Variants in PDE4D observed in about 807,000 individuals in gnomAD.
PDE4D encodes 3',5'-cyclic-AMP phosphodiesterase 4D.
PDE4D carries 24 observed loss-of-function variants against 87.4 expected under a neutral mutation model. That is an observed-to-expected ratio of 0.27 (90% CI 0.20 to 0.39). The LOEUF (loss-of-function observed/expected upper bound fraction) is 0.39. Among genes scored for constraint, PDE4D ranks in the 10% least tolerant of loss-of-function variants. PDE4D has a pLI of 1.00. For synonymous variants in PDE4D, 384 were observed against 383.2 expected (o/e 1.00, Z -0.02); for missense variants, 714 against 1,041.0 (o/e 0.69, Z 4.32).
intron 1 of PDE4D, among the ~76,000 whole-genome samples, chr5:60,245,895 T>C (rs1747705594): frequency 6.6e-6 from 1 of 151,832 alleles, no homozygotes; most frequent in South Asian, 2.1e-4. Context: ...TCAAAAATAA[T>C]TCAATTGTAC....
Position 59,916,954 on chromosome 5 carries a change from A to ATTTTT in PDE4D, c.272+71529_272+71533dup, listed in dbSNP as rs750105496. Among the ~76,000 whole-genome samples, 118 of 73,636 alleles carry ATTTTT rather than the reference A, an allele frequency of 1.6e-3. 3 individuals carry two copies. Among genetic ancestry groups the ATTTTT allele is most frequent in the African/African-American group, 1.0e-2 (116 of 11,650 alleles). The allele number at this position is 73,636 out of a possible 152,430, so 48.3% of individuals were successfully genotyped here. On this transcript the variant is annotated intron_variant, in intron 3 of 16. Coordinates refer to the PDE4D transcript ENST00000502484. Reference sequence around the variant, plus strand: ...AGGGGTGCACCACCATGCCCGGCTAATTTTTTTTTTTTTTTTTTTTTTTTT... The same window carrying ATTTTT: ...AGGGGTGCACCACCATGCCCGGCTAATTTTTTTTTTTTTTTTTTTTTTTTTTTTTT...
intron 3 of PDE4D, among the ~76,000 whole-genome samples, chr5:59,951,789 C>T (rs999517564): frequency 1.3e-5 from 2 of 152,210 alleles, no homozygotes; most frequent in African/African-American, 4.8e-5. Flanking sequence ...TCCAACTCTA[C>T]AACCCAGTGG....
At chr5:59,049,476 G>A (rs568383548) in intron 5 of PDE4D, among the ~76,000 whole-genome samples, 1 of 152,156 alleles carries the variant, frequency 6.6e-6, no homozygotes, top group Admixed American at 6.5e-5. Flanking sequence ...TGGTCAAGCA[G>A]ATCATGGTGT....
At chr5:59,341,875 C>T (rs138870558) in intron 1 of PDE4D, among the ~76,000 whole-genome samples, 1 of 152,288 alleles carries the variant, frequency 6.6e-6, no homozygotes, top group Non-Finnish European at 1.5e-5. Flanking sequence ...GTGAATAACG[C>T]TAGCTGATGT....
chr5:59,000,333 A>C (rs1036895452), intron 6 of PDE4D, among the ~76,000 whole-genome samples: 5 of 152,200 alleles, frequency 3.3e-5, no homozygotes, highest in Non-Finnish European at 5.9e-5. Flanking sequence ...CGAGCATTTT[A>C]ATTGCTTCCC....
chr5:59,247,568 T>C (rs1202153071), intron 1 of PDE4D, among the ~76,000 whole-genome samples: 1 of 152,132 alleles, frequency 6.6e-6, no homozygotes, highest in East Asian at 1.9e-4. Context: ...TTTTTAAAAA[T>C]GGAAATAGAA....
chr5:60,329,323 T>C (rs1757102283), intron 1 of PDE4D, among the ~76,000 whole-genome samples: 1 of 152,164 alleles, frequency 6.6e-6, no homozygotes, highest in Non-Finnish European at 1.5e-5. Context: ...CAAAGGGCAC[T>C]TCCCCTGCTT....
rs370304844 is a variant in PDE4D, at chr5:60,091,738, C to T, written c.42+93819G>A. Among the ~76,000 whole-genome samples the T allele has an allele frequency of 2.4e-3, 363 of 152,232 alleles. 1 individual carries two copies. Among genetic ancestry groups the T allele is most frequent in the Middle Eastern group, 0.017 (5 of 294 alleles). On this transcript the variant is annotated intron_variant, in intron 2 of 16. Coordinates refer to the PDE4D transcript ENST00000502484. ...CCAAGATATGGAAGCAACCTATATA[C>T]CTATCAGTAGATGAATGGATAAAGA...
upstream of PDE4D, among the ~76,000 whole-genome samples, chr5:59,894,361 T>C (rs1184140973): frequency 6.6e-6 from 1 of 152,242 alleles, no homozygotes; most frequent in African/African-American, 2.4e-5. Context: ...CCAGGCAAAG[T>C]TGCCTGGAAT....
intron 2 of PDE4D, among the ~76,000 whole-genome samples, chr5:59,199,893 C>T (rs1746373365): frequency 6.6e-6 from 1 of 151,464 alleles, no homozygotes; most frequent in South Asian, 2.1e-4. Flanking sequence ...TACACATGTA[C>T]ATATATACAT....
At chr5:59,310,548 G>A (rs1298191636) in intron 1 of PDE4D, among the ~76,000 whole-genome samples, 1 of 152,114 alleles carries the variant, frequency 6.6e-6, no homozygotes, top group Non-Finnish European at 1.5e-5. Flanking sequence ...GCACTTTGGG[G>A]AGAGGACAAT....
intron 1 of PDE4D, among the ~76,000 whole-genome samples, chr5:60,373,904 C>T (rs1390860920): frequency 6.6e-6 from 1 of 152,192 alleles, no homozygotes; most frequent in African/African-American, 2.4e-5. Context: ...ACTCTATTGC[C>T]TCATTCTTCC....
chr5:59,989,087 C>CATATATATATATATATATATATATAT (rs541522751), intron 2 of PDE4D, among the ~76,000 whole-genome samples: 1 of 100,436 alleles, frequency 1.0e-5, no homozygotes, highest in African/African-American at 3.5e-5. Context: ...ATGCATGTGT[C>CATATATATATATATATATATATATAT]ATATATATAT....
intron 1 of PDE4D, among the ~76,000 whole-genome samples, chr5:59,609,675 T>C (rs1216130107): frequency 6.6e-6 from 1 of 152,134 alleles, no homozygotes. Flanking sequence ...CCTCTACTCT[T>C]CTAAGCAACT....
intron 1 of PDE4D, among the ~76,000 whole-genome samples, chr5:59,613,870 A>G (rs1829313634): frequency 6.6e-6 from 1 of 152,244 alleles, no homozygotes; most frequent in Non-Finnish European, 1.5e-5. Context: ...CTGATTACAT[A>G]TCAGTAAACC....
At chr5:59,202,354 T>C (rs1747688958) in intron 2 of PDE4D, among the ~76,000 whole-genome samples, 1 of 152,112 alleles carries the variant, frequency 6.6e-6, no homozygotes, top group Non-Finnish European at 1.5e-5. Flanking sequence ...TTGATCATTT[T>C]AAATATTTTG....
intron 1 of PDE4D, among the ~76,000 whole-genome samples, chr5:59,319,661 G>A (rs1410357561): frequency 6.6e-6 from 1 of 152,102 alleles, no homozygotes; most frequent in Non-Finnish European, 1.5e-5. Context: ...TAATATATCT[G>A]AGGTGACCTA....
chr5:58,992,586 T>C lies in PDE4D; in HGVS notation c.1016-582A>G, dbSNP rs566721288. Among the ~76,000 whole-genome samples, 5 of 152,226 alleles carry C rather than the reference T, an allele frequency of 3.3e-5. No homozygotes were observed. In the East Asian group the frequency reaches 9.6e-4, roughly 29 times the overall value. The stretch of plus-strand genomic sequence containing the variant: ...GTATGATAGTGAGATAAGGGTTAAA[T>C]CCCCAGGTTTTATGGGAGCATAGAG... On this transcript the variant is annotated intron_variant, in intron 7 of 14. Transcript: ENST00000340635.
intron 1 of PDE4D, among the ~76,000 whole-genome samples, chr5:59,413,750 T>C (rs1328437357): frequency 1.3e-5 from 2 of 152,076 alleles, no homozygotes; most frequent in African/African-American, 4.8e-5. Flanking sequence ...ACTTTAAGAG[T>C]TGGACTGATT....
Sources: allele counts gnomAD v4.1 joint callset (sites outside exome capture counted in the v4.1 genomes callset), GRCh38; gene constraint gnomAD v4.1.1; transcripts MANE v1.5; gene names NCBI Gene and HGNC (gene_info 2026-07-23, HGNC 2026-07-21).